CGRRF1: variants seen among roughly 807,000 people sequenced by gnomAD.
The protein encoded by CGRRF1 is cell growth regulator with RING finger domain protein 1.
Under a neutral mutation model 37.2 loss-of-function variants are expected in CGRRF1, and 32 were observed. That is an observed-to-expected ratio of 0.86 (90% CI 0.65 to 1.16). The LOEUF is 1.16. Ranked by LOEUF, CGRRF1 falls within the 50% of genes most tolerant of loss-of-function variation. The pLI is 0.00. For missense variants in CGRRF1, 391 were observed against 382.6 expected, an observed-to-expected ratio of 1.02 and a Z score of -0.18; for synonymous variants, 141 against 140.3, an observed-to-expected ratio of 1.00 and a Z score of -0.04.
Position 54,537,733 on chromosome 14 carries a change from G to A in CGRRF1, c.582G>A (p.Val194=). ...AATTTTTATTTTAGATTTCCATGGT[G>A]TCAGTGATTCATATTCCTGATAGGA... ...DREIYDIISM[V]SVIHIPDRTY... is the part of the protein sequence containing the mutation. Residue 194 remains valine (V), a synonymous_variant, in exon 5 of 6, where the codon GTG becomes GTA. Coordinates refer to ENST00000216420, the MANE Select transcript of CGRRF1 (RefSeq NM_006568.3). The A allele has an allele frequency of 6.4e-7, 1 of 1,568,428 alleles. No homozygotes were observed. Among genetic ancestry groups the A allele is most frequent in the Non-Finnish European group, 8.6e-7 (1 of 1,162,450 alleles).
At chr14:54,520,184 C>G (rs906992998) in intron 1 of CGRRF1, among the ~76,000 whole-genome samples, 1 of 152,118 alleles carries the variant, frequency 6.6e-6, no homozygotes, top group Non-Finnish European at 1.5e-5. Flanking sequence ...TCTTGGCTCA[C>G]TGCAAGCTCA....
chr14:54,521,401 T>C (rs557614077), intron 1 of CGRRF1, among the ~76,000 whole-genome samples: 1 of 150,982 alleles, frequency 6.6e-6, no homozygotes, highest in South Asian at 2.1e-4. Flanking sequence ...GCAGAGGTTA[T>C]AGTGAGCCAA....
intron 1 of CGRRF1, among the ~76,000 whole-genome samples, chr14:54,514,092 T>C (rs1323518277): frequency 1.3e-5 from 2 of 152,162 alleles, no homozygotes; most frequent in Non-Finnish European, 2.9e-5. Flanking sequence ...CTAGGGTAGT[T>C]TCTTTGCAAA....
chr14:54,529,697 A>G (rs375767029), intron 2 of CGRRF1, among the ~76,000 whole-genome samples: 17 of 152,288 alleles, frequency 1.1e-4, no homozygotes, highest in African/African-American at 3.8e-4. Flanking sequence ...GATCATATAC[A>G]CTATGAGAGT....
chr14:54,534,661 A>G (rs1799910969), intron 4 of CGRRF1, among the ~76,000 whole-genome samples: 1 of 152,196 alleles, frequency 6.6e-6, no homozygotes, highest in African/African-American at 2.4e-5. Context: ...TGGATCTCCT[A>G]TTGTTAGCAT....
chr14:54,531,494 AAC>A (rs909650110), intron 4 of CGRRF1, among the ~76,000 whole-genome samples: 2 of 152,144 alleles, frequency 1.3e-5, no homozygotes, highest in African/African-American at 4.8e-5. Flanking sequence ...GCTGTATAGA[AAC>A]AGTCTGTTGG....
At chr14:54,537,872 CA>C in intron 5 of CGRRF1, 43 bp downstream of exon 5, 3 of 1,566,928 alleles carry the variant, frequency 1.9e-6, no homozygotes, top group Non-Finnish European at 2.6e-6. Flanking sequence ...CTTTTGTTTA[CA>C]GAGTTTCAAA....
At chr14:54,522,677 C>T (rs1156369837) in intron 2 of CGRRF1, 84 bp downstream of exon 2, 14 of 1,251,882 alleles carry the variant, frequency 1.1e-5, no homozygotes, top group Non-Finnish European at 4.4e-6. Context: ...ATTTCTTTCC[C>T]TTCATTAGAC....
intron 4 of CGRRF1, among the ~76,000 whole-genome samples, chr14:54,532,771 T>C (rs948472652): frequency 6.6e-6 from 1 of 151,982 alleles, no homozygotes; most frequent in Non-Finnish European, 1.5e-5. Flanking sequence ...CGAAACACCT[T>C]AGCTGTACAT....
chr14:54,526,144 A>ATTTTT (rs745596386), intron 2 of CGRRF1, among the ~76,000 whole-genome samples: 19 of 107,072 alleles, frequency 1.8e-4, no homozygotes, highest in African/African-American at 2.5e-4. Context: ...TATATTTAAG[A>ATTTTT]TTTTTTTTTT....
chr14:54,513,008 A>G (rs1317632576), intron 1 of CGRRF1, among the ~76,000 whole-genome samples: 2 of 152,214 alleles, frequency 1.3e-5, no homozygotes, highest in African/African-American at 4.8e-5. Flanking sequence ...ACATATGGTT[A>G]ACATTTTTCA....
Position 54,538,169 on chromosome 14 carries a change from G to A in CGRRF1, c.785G>A (p.Ser262Asn). 1 of 1,614,224 alleles carries A rather than the reference G, an allele frequency of 6.2e-7. No individual in the cohort carries two copies. Among genetic ancestry groups the A allele is most frequent in the Non-Finnish European group, 8.5e-7 (1 of 1,180,040 alleles). ...TTGGAAAAGGTGGGACTCTCTGAAA[G>A]TGAAGTTGAGCCATCGGAAGAGAAC... ...SLLEKVGLSE[S>N]EVEPSEENSK... is the part of the protein sequence containing the mutation. The change falls in exon 6 of 6, where the codon AGT becomes AAT. Residue 262 changes from serine to asparagine, a missense_variant. By Grantham distance (46) the Ser-to-Asn change is conservative. Transcript: ENST00000216420.
chr14:54,510,410 C>T lies in CGRRF1; in HGVS notation c.104+347C>T, dbSNP rs531769428. ...GTGCTTCTCTAGTAGGCTTCTGTCC[C>T]GGATTCGGGCCTACTGTGTGTCCTG... is the stretch of plus-strand genomic sequence containing the variant. On this transcript the variant is annotated intron_variant, in intron 1 of 5. Coordinates refer to ENST00000216420, the MANE Select transcript of CGRRF1 (RefSeq NM_006568.3). The T allele has an allele frequency of 1.2e-5, 4 of 323,708 alleles. 1 individual carries two copies. Among genetic ancestry groups the T allele is most frequent in the Non-Finnish European group, 2.3e-5 (4 of 171,268 alleles). 20.1% of individuals were successfully genotyped at this position (323,708 alleles called of 1,614,324 possible).
chr14:54,533,871 A>C (rs1010001639), intron 4 of CGRRF1, among the ~76,000 whole-genome samples: 6 of 152,036 alleles, frequency 3.9e-5, no homozygotes, highest in Non-Finnish European at 7.4e-5. Context: ...AGCCAAAAGG[A>C]GAGAAGTATA....
chr14:54,524,120 C>T (rs1350467125), intron 2 of CGRRF1, among the ~76,000 whole-genome samples: 3 of 152,158 alleles, frequency 2.0e-5, no homozygotes, highest in South Asian at 2.1e-4. Context: ...TCACTAATTA[C>T]GACTTCTGCC....
chr14:54,518,069 G>A (rs1594647987), intron 1 of CGRRF1, among the ~76,000 whole-genome samples: 1 of 152,068 alleles, frequency 6.6e-6, no homozygotes, highest in Admixed American at 6.5e-5. Context: ...ATTGTGACTA[G>A]TGCTGAAATT....
At chr14:54,518,568 A>C (rs562243357) in intron 1 of CGRRF1, among the ~76,000 whole-genome samples, 1 of 151,914 alleles carries the variant, frequency 6.6e-6, no homozygotes, top group African/African-American at 2.4e-5. Context: ...AAAAAGAAAA[A>C]AAAAAGTGTT....
At chr14:54,513,178 G>C (rs1238987002) in intron 1 of CGRRF1, among the ~76,000 whole-genome samples, 1 of 152,212 alleles carries the variant, frequency 6.6e-6, no homozygotes, top group Non-Finnish European at 1.5e-5. Context: ...TTCAAAGATA[G>C]AATTTGGGGG....
intron 4 of CGRRF1, among the ~76,000 whole-genome samples, chr14:54,535,635 T>G (rs61975101): frequency 0.053 from 8,000 of 152,278 alleles, 410 homozygotes; most frequent in East Asian, 0.28. Context: ...GAGGAGGCAC[T>G]GTAAGATCAT....
Sources: allele counts gnomAD v4.1 joint callset (sites outside exome capture counted in the v4.1 genomes callset), GRCh38; gene constraint gnomAD v4.1.1; transcripts MANE v1.5; gene names NCBI Gene and HGNC (gene_info 2026-07-23, HGNC 2026-07-21).